CTNNA3: variants seen among roughly 807,000 people sequenced by gnomAD.
The protein encoded by CTNNA3 is catenin alpha-3.
In CTNNA3, 76 loss-of-function variants were observed where a neutral mutation model predicts 95.7. The observed-to-expected ratio is 0.79, with a 90% CI of 0.66 to 0.96. CTNNA3 has a LOEUF of 0.96. Ranked by LOEUF, CTNNA3 falls within the 40% of genes least tolerant of loss-of-function variation. The pLI is 0.00. For missense variants in CTNNA3, 1,191 were observed against 1,089.8 expected (o/e 1.09, Z -1.31); for synonymous variants, 431 against 374.4 (o/e 1.15, Z -1.74).
chr10:66,232,929 G>A (rs1314512692), intron 13 of CTNNA3, among the ~76,000 whole-genome samples: 1 of 151,794 alleles, frequency 6.6e-6, no homozygotes, highest in African/African-American at 2.4e-5. Flanking sequence ...AGGCCGAGGC[G>A]GGCGGCTCAC....
At chr10:67,704,325 C>A (rs1318575543) in intron 1 of CTNNA3, among the ~76,000 whole-genome samples, 2 of 152,202 alleles carry the variant, frequency 1.3e-5, no homozygotes, top group Non-Finnish European at 2.9e-5. Flanking sequence ...CCAAGTCAAT[C>A]TTAAGCCAAA....
rs761226470 is a variant in CTNNA3 at position 66,371,115 on chromosome 10, A to C, written c.1732+8037T>G. Reference sequence around the variant, plus strand: ...AAAAATTAGTGAAGTCAAAGTACCCATTCCGTTGGATTTAAAACAAAATAT... The same window carrying C: ...AAAAATTAGTGAAGTCAAAGTACCCCTTCCGTTGGATTTAAAACAAAATAT... On this transcript the variant is annotated intron_variant, in intron 12 of 17. Transcript: ENST00000433211. Among the ~76,000 whole-genome samples the C allele has an allele frequency of 2.0e-5, 3 of 152,156 alleles. No homozygotes were observed. In the South Asian group the frequency reaches 6.2e-4, roughly 31 times the overall value.
intron 7 of CTNNA3, among the ~76,000 whole-genome samples, chr10:67,124,333 GGTGTGTGTGTGTGTGTGT>G (rs141981196): frequency 5.6e-5 from 8 of 141,870 alleles, no homozygotes; most frequent in Non-Finnish European, 4.6e-5. Context: ...GTGTGTTAGC[GGTGTGTGTGTGTGTGTGT>G]GTGTGTGTGT....
intron 12 of CTNNA3, among the ~76,000 whole-genome samples, chr10:66,329,520 TG>T (rs1251842838): frequency 2.6e-5 from 4 of 151,734 alleles, no homozygotes. Context: ...CGGCACTGCC[TG>T]GTACACCAGT....
At chr10:66,216,029 C>A (rs1286559793) in intron 13 of CTNNA3, among the ~76,000 whole-genome samples, 1 of 152,228 alleles carries the variant, frequency 6.6e-6, no homozygotes, top group Non-Finnish European at 1.5e-5. Flanking sequence ...TATGTGGAGG[C>A]TAATGCAAAT....
chr10:67,041,063 T>G (rs1176894084), intron 7 of CTNNA3, among the ~76,000 whole-genome samples: 1 of 152,124 alleles, frequency 6.6e-6, no homozygotes, highest in Non-Finnish European at 1.5e-5. Flanking sequence ...ACACTTAGAA[T>G]TGTACTGATA....
chr10:66,516,142 G>T (rs1242553526), intron 11 of CTNNA3, among the ~76,000 whole-genome samples: 1 of 148,342 alleles, frequency 6.7e-6, no homozygotes, highest in Non-Finnish European at 1.5e-5. Flanking sequence ...GTACAAAAAA[G>T]ATCTAGAGGG....
chr10:66,743,901 G>A (rs1203860245), intron 9 of CTNNA3, among the ~76,000 whole-genome samples: 7 of 148,130 alleles, frequency 4.7e-5, no homozygotes, highest in South Asian at 4.3e-4. Flanking sequence ...ACTTGAACCA[G>A]GGAATCAGAG....
chr10:66,303,942 G>A (rs1486778747), intron 12 of CTNNA3, among the ~76,000 whole-genome samples: 31 of 151,818 alleles, frequency 2.0e-4, no homozygotes, highest in Non-Finnish European at 4.4e-4. Flanking sequence ...GTAGAGCAAA[G>A]GATATAAAAC....
At chr10:67,400,445 A>C (rs1844875238) in intron 5 of CTNNA3, among the ~76,000 whole-genome samples, 1 of 152,226 alleles carries the variant, frequency 6.6e-6, no homozygotes, top group South Asian at 2.1e-4. Flanking sequence ...AATAAAAATG[A>C]GCAATTCACG....
chr10:66,989,320 A>G (rs1454996790), intron 7 of CTNNA3, among the ~76,000 whole-genome samples: 3 of 152,232 alleles, frequency 2.0e-5, no homozygotes, highest in Non-Finnish European at 4.4e-5. Context: ...ATGTCAACTT[A>G]TTCCCTAAAA....
chr10:67,559,734 T>C (rs1034908554), intron 3 of CTNNA3, among the ~76,000 whole-genome samples: 3 of 152,048 alleles, frequency 2.0e-5, no homozygotes, highest in Non-Finnish European at 2.9e-5. Context: ...AGTTAAAAAC[T>C]TTGAAAAAAA....
At chr10:67,124,881 A>G (rs1681628000) in intron 7 of CTNNA3, among the ~76,000 whole-genome samples, 2 of 152,214 alleles carry the variant, frequency 1.3e-5, no homozygotes, top group South Asian at 4.1e-4. Context: ...AAAGATTATC[A>G]CCAATAATGT....
At chr10:67,331,339 T>C (rs1365243572) in intron 5 of CTNNA3, among the ~76,000 whole-genome samples, 1 of 152,184 alleles carries the variant, frequency 6.6e-6, no homozygotes, top group Non-Finnish European at 1.5e-5. Flanking sequence ...ACTGCTGTGT[T>C]TCCATTTTCC....
At chr10:67,079,904 CACACAA>C (rs1323177908) in intron 7 of CTNNA3, among the ~76,000 whole-genome samples, 3 of 137,642 alleles carry the variant, frequency 2.2e-5, no homozygotes, top group Admixed American at 1.4e-4. Context: ...CACACACACA[CACACAA>C]AGATAGTCAC....
chr10:66,603,871 T>C (rs12413152), intron 10 of CTNNA3, among the ~76,000 whole-genome samples: 7,389 of 152,220 alleles, frequency 0.049, 597 homozygotes, highest in East Asian at 0.26. Context: ...ATATTGTATA[T>C]TCATATGCAG....
chr10:67,356,064 C>T (rs1387738937), intron 5 of CTNNA3, among the ~76,000 whole-genome samples: 2 of 151,998 alleles, frequency 1.3e-5, no homozygotes, highest in African/African-American at 2.4e-5. Flanking sequence ...CCTGGGTTTT[C>T]CCTCACTACT....
intron 17 of CTNNA3, among the ~76,000 whole-genome samples, chr10:65,936,191 A>T (rs2077334636): frequency 6.6e-6 from 1 of 152,160 alleles, no homozygotes; most frequent in African/African-American, 2.4e-5. Flanking sequence ...TTCAAATCCA[A>T]ATTTAATAAT....
At chr10:66,481,428 C>G (rs1839521070) in intron 11 of CTNNA3, among the ~76,000 whole-genome samples, 4 of 144,640 alleles carry the variant, frequency 2.8e-5, no homozygotes, top group Admixed American at 1.4e-4. Context: ...ATTGGGTATA[C>G]AGAAACAAAG....
Sources: allele counts gnomAD v4.1 joint callset (sites outside exome capture counted in the v4.1 genomes callset), GRCh38; gene constraint gnomAD v4.1.1; transcripts MANE v1.5; gene names NCBI Gene and HGNC (gene_info 2026-07-23, HGNC 2026-07-21).